Variants in HSPA4 observed in about 807,000 individuals in gnomAD.
HSPA4 encodes the protein heat shock protein family A (Hsp70) member 4.
Under a neutral mutation model 106.2 loss-of-function variants are expected in HSPA4, and 25 were observed. The ratio of observed to expected loss-of-function variants is 0.24; its 90% CI spans 0.17 to 0.33. HSPA4 has a LOEUF of 0.33. Ranked by LOEUF, HSPA4 falls within the 10% of genes least tolerant of loss-of-function variation. The pLI is 1.00. For synonymous variants in HSPA4, 332 were observed against 333.6 expected (o/e 1.00, Z 0.05); for missense variants, 841 against 996.0 (o/e 0.84, Z 2.10).
intron 13 of HSPA4, among the ~76,000 whole-genome samples, chr5:133,093,770 A>G (rs1266304002): frequency 2.0e-5 from 3 of 152,100 alleles, no homozygotes; most frequent in African/African-American, 7.2e-5. Context: ...GGCATGAGCC[A>G]CTGCGCCCAG....
chr5:133,103,118 G>T (rs1317220107), intron 17 of HSPA4, among the ~76,000 whole-genome samples: 1 of 151,640 alleles, frequency 6.6e-6, no homozygotes, highest in Non-Finnish European at 1.5e-5. Flanking sequence ...CTCTAGTGCA[G>T]TGGTGTGATC....
intron 1 of HSPA4, among the ~76,000 whole-genome samples, chr5:133,055,009 G>C (rs1266849643): frequency 6.6e-6 from 1 of 152,122 alleles, no homozygotes; most frequent in Non-Finnish European, 1.5e-5. Flanking sequence ...CTTTTAGAAA[G>C]ACAATAGCTA....
chr5:133,068,372 A>G (rs1396298506), intron 3 of HSPA4, among the ~76,000 whole-genome samples: 2 of 151,442 alleles, frequency 1.3e-5, no homozygotes, highest in Non-Finnish European at 2.9e-5. Context: ...AGGCTGGGAG[A>G]TGGATAGGGT....
rs942301017 is a variant in HSPA4 at position 133,085,656 on chromosome 5, G to A, written c.909-1126G>A. Among the ~76,000 whole-genome samples, 14 of 151,642 alleles carry A rather than the reference G, an allele frequency of 9.2e-5. No individual in the cohort carries two copies. In the East Asian group the frequency reaches 1.2e-3, roughly 13 times the overall value. On this transcript the variant is annotated intron_variant, in intron 7 of 18. Transcript: ENST00000304858. ...GCCTGGGCAACAAGATTGAAACTCC[G>A]TCTGAAAAAAAGCCCTGCCGCCCCC... is the stretch of plus-strand genomic sequence containing the variant.
intron 7 of HSPA4, 54 bp downstream of exon 7, chr5:133,076,952 T>G: frequency 7.1e-7 from 1 of 1,403,726 alleles, no homozygotes; most frequent in Non-Finnish European, 9.9e-7. Flanking sequence ...TCTCCACATA[T>G]ATTAACCTTT....
chr5:133,104,989 CCT>C lies in HSPA4; in HGVS notation c.*559_*560del, dbSNP rs1300804526. The stretch of plus-strand genomic sequence containing the variant: ...CTTCACCCTCACCTGTGTTCTCTTC[CCT>C]CTCTCCCAATAAAAGGGCTCCCATT... On this transcript the variant is annotated 3_prime_UTR_variant, in exon 19 of 19. Coordinates refer to ENST00000304858, the MANE Select transcript of HSPA4 (RefSeq NM_002154.4). The C allele has an allele frequency of 6.6e-6, 1 of 152,618 alleles. No homozygotes were observed. Among genetic ancestry groups the C allele is most frequent in the Non-Finnish European group, 1.5e-5 (1 of 68,440 alleles). The allele number at this position is 152,618 out of a possible 1,614,324, so 9.5% of individuals were successfully genotyped here.
chr5:133,063,636 TG>T (rs2126696027), intron 1 of HSPA4, among the ~76,000 whole-genome samples: 1 of 152,202 alleles, frequency 6.6e-6, no homozygotes, highest in African/African-American at 2.4e-5. Context: ...TTTGATCATG[TG>T]GGCGTGGCTG....
At chr5:133,078,679 C>G (rs997508957) in intron 7 of HSPA4, among the ~76,000 whole-genome samples, 1 of 148,818 alleles carries the variant, frequency 6.7e-6, no homozygotes, top group Non-Finnish European at 1.5e-5. Flanking sequence ...TTTACATCAT[C>G]AGAATACGTA....
rs1287448218 is a variant in HSPA4 at position 133,091,054 on chromosome 5, G to A, written c.1379-139G>A. ...CTGATGATTTAATAAGATTCTAAAA[G>A]GACCGATTTTGCTTATTTTAAGCAT... is the stretch of plus-strand genomic sequence containing the variant. On this transcript the variant is annotated intron_variant, in intron 11 of 18. Coordinates refer to ENST00000304858, the MANE Select transcript of HSPA4 (RefSeq NM_002154.4). The A allele has an allele frequency of 5.2e-6, 4 of 775,522 alleles. No homozygotes were observed. In the African/African-American group the frequency reaches 6.8e-5, roughly 13 times the overall value. The allele number at this position is 775,522 out of a possible 1,614,324, so 48.0% of individuals were successfully genotyped here.
At chr5:133,065,223 G>A (rs1279445987) in intron 2 of HSPA4, among the ~76,000 whole-genome samples, 186 bp downstream of exon 2, 1 of 152,086 alleles carries the variant, frequency 6.6e-6, no homozygotes, top group East Asian at 1.9e-4. Context: ...TGCATCTGTA[G>A]ATTCAAACAA....
intron 7 of HSPA4, among the ~76,000 whole-genome samples, chr5:133,080,532 T>A (rs1274211332): frequency 6.6e-6 from 1 of 151,974 alleles, no homozygotes; most frequent in Non-Finnish European, 1.5e-5. Context: ...TTATATAGTT[T>A]GACATTACAA....
At chr5:133,088,672 C>A in intron 9 of HSPA4, 117 bp downstream of exon 9, 1 of 802,588 alleles carries the variant, frequency 1.2e-6, no homozygotes, top group South Asian at 1.7e-5. Context: ...GTTGAGATTC[C>A]AAAACCTTTG....
intron 7 of HSPA4, among the ~76,000 whole-genome samples, chr5:133,080,441 A>AT (rs1491571716): frequency 6.9e-6 from 1 of 144,500 alleles, no homozygotes; most frequent in Non-Finnish European, 1.5e-5. Context: ...AAAAAAAAAA[A>AT]CCCAATAATT....
chr5:133,065,477 A>G (rs1387277849), intron 2 of HSPA4, among the ~76,000 whole-genome samples: 1 of 152,206 alleles, frequency 6.6e-6, no homozygotes, highest in Non-Finnish European at 1.5e-5. Context: ...GTGCCCTGGA[A>G]TCAGTCCCCT....
At chr5:133,070,338 A>AT (rs1281231873) in intron 3 of HSPA4, 36 bp from the exon 4 acceptor site, 1 of 1,581,866 alleles carries the variant, frequency 6.3e-7, no homozygotes. Context: ...AGAAAGAAAT[A>AT]TAATAAGTCT....
intron 10 of HSPA4, 67 bp downstream of exon 10, chr5:133,089,228 C>A: frequency 1.2e-6 from 1 of 858,796 alleles, no homozygotes; most frequent in Non-Finnish European, 1.8e-6. Context: ...TAATATGTTG[C>A]TTTTCATTTC....
chr5:133,071,581 G>A (rs924907768), intron 4 of HSPA4, among the ~76,000 whole-genome samples: 1 of 152,236 alleles, frequency 6.6e-6, no homozygotes, highest in African/African-American at 2.4e-5. Flanking sequence ...GTTGAAATAT[G>A]TGTGGTTACA....
chr5:133,057,212 GTC>G (rs1240683158), intron 1 of HSPA4, among the ~76,000 whole-genome samples: 1 of 152,128 alleles, frequency 6.6e-6, no homozygotes, highest in Non-Finnish European at 1.5e-5. Context: ...TCTGATTAAT[GTC>G]TCTATTTCCA....
intron 2 of HSPA4, 152 bp downstream of exon 2, chr5:133,065,189 C>T: frequency 1.6e-6 from 1 of 608,920 alleles, no homozygotes; most frequent in East Asian, 2.8e-5. Flanking sequence ...CATGTACAGT[C>T]AGCCCTCAGA....
Sources: gnomAD v4.1 joint callset for allele counts (sites outside exome capture counted in the v4.1 genomes callset) on GRCh38, gnomAD v4.1.1 for gene constraint, MANE v1.5 for transcripts, NCBI Gene and HGNC (gene_info 2026-07-23, HGNC 2026-07-21) for gene names.